ACACB: variants seen among roughly 807,000 people sequenced by gnomAD.
The protein encoded by ACACB is acetyl-CoA carboxylase 2.
In ACACB, 209 loss-of-function variants were observed where a neutral mutation model predicts 278.8. The observed-to-expected ratio is 0.75, with a 90% CI of 0.67 to 0.84. ACACB has a LOEUF of 0.84. Among genes scored for constraint, ACACB ranks in the 40% least tolerant of loss-of-function variants. The probability of loss-of-function intolerance (pLI) is 0.00; values close to 1 mark genes in which losing one functional copy is unlikely to be tolerated. For missense variants in ACACB, 2,850 were observed against 3,269.0 expected, an observed-to-expected ratio of 0.87 and a Z score of 3.13; for synonymous variants, 1,174 against 1,285.6, an observed-to-expected ratio of 0.91 and a Z score of 1.86.
chr12:109,169,187 G>T (rs1320043393), intron 4 of ACACB, among the ~76,000 whole-genome samples: 1 of 150,260 alleles, frequency 6.7e-6, no homozygotes, highest in Non-Finnish European at 1.5e-5. Flanking sequence ...CATAAGTCAG[G>T]TCTTCAGGTC....
chr12:109,190,031 A>T (rs1168178159), intron 13 of ACACB, among the ~76,000 whole-genome samples: 1 of 152,120 alleles, frequency 6.6e-6, no homozygotes, highest in Non-Finnish European at 1.5e-5. Flanking sequence ...GAATTGCTTG[A>T]ACCTGGGAGA....
chr12:109,256,376 T>C, intron 45 of ACACB, 140 bp downstream of exon 45: 2 of 643,994 alleles, frequency 3.1e-6, no homozygotes, highest in Non-Finnish European at 2.8e-6. Context: ...ATTTGGGGAA[T>C]GATTTCTGCA....
At chr12:109,231,778 C>T (rs2046479400) in intron 28 of ACACB, among the ~76,000 whole-genome samples, 1 of 152,168 alleles carries the variant, frequency 6.6e-6, no homozygotes, top group Non-Finnish European at 1.5e-5. Context: ...CACTTCATTC[C>T]CCCAGCAAGG....
In ACACB at chr12:109,258,630, C is replaced by T. The variant is rs190478979; in HGVS notation, c.6360+266C>T. 2.3e-3 allele frequency among the ~76,000 whole-genome samples: 355 copies of T among 152,344 alleles called. 1 individual carries two copies. The highest frequency in any genetic ancestry group is 8.0e-3 in the African/African-American group (331 of 41,576). On this transcript the variant is annotated intron_variant, in intron 46 of 52. Coordinates refer to ENST00000338432, the MANE Select transcript of ACACB (RefSeq NM_001093.4). ...CCCACCTCCTGCCCTGCCTCTGTTG[C>T]TGTTTCTGCGCTAGGCCAGGGCACA...
At chr12:109,198,055 G>A (rs543341950) in intron 17 of ACACB, among the ~76,000 whole-genome samples, 2 of 151,798 alleles carry the variant, frequency 1.3e-5, no homozygotes, top group African/African-American at 2.4e-5. Context: ...GTGCCACCAC[G>A]CCTGGCTAAT....
chr12:109,213,851 C>T (rs1023981710), intron 22 of ACACB, among the ~76,000 whole-genome samples: 2 of 152,050 alleles, frequency 1.3e-5, no homozygotes, highest in Non-Finnish European at 2.9e-5. Flanking sequence ...CCCCCTGCCT[C>T]GGCCTCCCAA....
intron 33 of ACACB, chr12:109,236,065 C>T (rs1407628305): frequency 1.2e-5 from 2 of 163,432 alleles, no homozygotes; most frequent in Non-Finnish European, 2.7e-5. Flanking sequence ...ACTTATGGCT[C>T]AAGCGATTCT....
rs563803990 is a variant in ACACB at position 109,220,427 on chromosome 12, G to C, written c.3565-2080G>C. ...CCTAGTTTCTGACACCAGTTCACTGGTCATGGGACTTCGTTAGTGACAAAA... is the reference window on the plus strand; with the variant it reads ...CCTAGTTTCTGACACCAGTTCACTGCTCATGGGACTTCGTTAGTGACAAAA... On this transcript the variant is annotated intron_variant, in intron 24 of 52. Transcript: ENST00000338432. 5.9e-5 allele frequency among the ~76,000 whole-genome samples: 9 copies of C among 152,280 alleles called. No individual in the cohort carries two copies. In the South Asian group the frequency reaches 1.9e-3, roughly 32 times the overall value.
chr12:109,219,812 T>TA (rs943205373), intron 24 of ACACB, among the ~76,000 whole-genome samples: 1 of 152,344 alleles, frequency 6.6e-6, no homozygotes, highest in Non-Finnish European at 1.5e-5. Context: ...TTGAAGTTTG[T>TA]AAAAATTAAT....
At chr12:109,227,115 T>C (rs1008634520) in intron 27 of ACACB, among the ~76,000 whole-genome samples, 2 of 152,062 alleles carry the variant, frequency 1.3e-5, no homozygotes, top group Non-Finnish European at 2.9e-5. Flanking sequence ...CATGCCTGGC[T>C]AGTTTTTGTA....
chr12:109,246,727 G>A (rs75843401), intron 39 of ACACB, among the ~76,000 whole-genome samples: 2,118 of 152,242 alleles, frequency 0.014, 51 homozygotes, highest in African/African-American at 0.049. Context: ...GAGCGCTCCT[G>A]AATGCAGTGT....
chr12:109,140,992 G>T (rs562236686), intron 2 of ACACB, among the ~76,000 whole-genome samples: 87 of 143,432 alleles, frequency 6.1e-4, no homozygotes, highest in African/African-American at 1.9e-3. Flanking sequence ...TCAAACTCCC[G>T]GGCTCAAGCA....
chr12:109,165,270 A>T (rs1393471158), intron 2 of ACACB, among the ~76,000 whole-genome samples: 1 of 152,216 alleles, frequency 6.6e-6, no homozygotes, highest in East Asian at 1.9e-4. Context: ...AGGGGCCTAG[A>T]GGACAGCCAG....
intron 11 of ACACB, among the ~76,000 whole-genome samples, chr12:109,181,132 C>T (rs886485790): frequency 2.0e-5 from 3 of 151,936 alleles, no homozygotes; most frequent in African/African-American, 7.2e-5. Flanking sequence ...TCTCCAGTTC[C>T]ATCCACGTTG....
chr12:109,140,125 C>G, intron 2 of ACACB, 67 bp downstream of exon 2: 1 of 1,464,498 alleles, frequency 6.8e-7, no homozygotes. Flanking sequence ...CCCTTCCCAA[C>G]CTGTGCCCAC....
At chr12:109,122,243 G>T (rs1315952816) in intron 1 of ACACB, among the ~76,000 whole-genome samples, 2 of 152,162 alleles carry the variant, frequency 1.3e-5, no homozygotes, top group Admixed American at 1.3e-4. Context: ...CTCGAACCCA[G>T]AACTTCCTCA....
In ACACB at chr12:109,260,584, G is replaced by T; in HGVS notation, c.6601G>T (p.Gly2201Ter). The T allele has an allele frequency of 6.2e-7, 1 of 1,613,324 alleles. No homozygotes were observed. The highest frequency in any genetic ancestry group is 8.5e-7 in the Non-Finnish European group (1 of 1,179,676). Residue 2201 changes from glycine (G) to a stop codon, truncating the protein, a stop_gained, in exon 48 of 53, where the codon GGA (glycine) becomes TGA (stop). Coordinates refer to ENST00000338432, the MANE Select transcript of ACACB (RefSeq NM_001093.4). LOFTEE classifies it high-confidence loss of function. ...IYIPPYAELRGGSWVVIDATI... is the reference protein window; with the variant it reads ...IYIPPYAELR ...TATCCCGCCCTATGCGGAGCTCCGG[G>T]GAGGCTCCTGGGTGGTCATAGATGC...
chr12:109,221,323 A>G (rs916519545), intron 24 of ACACB, among the ~76,000 whole-genome samples: 6 of 152,184 alleles, frequency 3.9e-5, no homozygotes, highest in Non-Finnish European at 7.3e-5. Context: ...GTCTTAGTGG[A>G]TGCCCGGGGT....
At chr12:109,211,063 A>G (rs1412888072) in intron 21 of ACACB, among the ~76,000 whole-genome samples, 1 of 152,042 alleles carries the variant, frequency 6.6e-6, no homozygotes, top group Non-Finnish European at 1.5e-5. Flanking sequence ...GGGGCATTTG[A>G]AAGGCATTTG....
Sources: allele counts gnomAD v4.1 joint callset (sites outside exome capture counted in the v4.1 genomes callset), GRCh38; gene constraint gnomAD v4.1.1; transcripts MANE v1.5; gene names NCBI Gene and HGNC (gene_info 2026-07-23, HGNC 2026-07-21).